DPY19L4: variants seen among roughly 807,000 people sequenced by gnomAD.
The protein encoded by DPY19L4 is probable C-mannosyltransferase DPY19L4.
DPY19L4 carries 97 observed loss-of-function variants against 102.8 expected under a neutral mutation model. The observed-to-expected ratio is 0.94, with a 90% CI of 0.80 to 1.12. DPY19L4 has a LOEUF of 1.12. Among genes scored for constraint, DPY19L4 ranks in the 50% most tolerant of loss-of-function variants. The pLI is 0.00. For missense variants in DPY19L4, 815 were observed against 850.4 expected, an observed-to-expected ratio of 0.96 and a Z score of 0.52; for synonymous variants, 252 against 283.1, an observed-to-expected ratio of 0.89 and a Z score of 1.10.
chr8:94,726,271 C>T (rs1810684791), intron 1 of DPY19L4, 60 bp from the exon 2 acceptor site: 1 of 1,387,976 alleles, frequency 7.2e-7, no homozygotes, highest in Non-Finnish European at 9.8e-7. Context: ...TTAATTGGCT[C>T]AGGATACAGA....
At position 94,792,918 on chromosome 8, in the gene DPY19L4, CCAGA is replaced by C. The variant is rs1406402634; in HGVS notation, c.*3011_*3014del. ...CTAAGTTAATTTAGCCTCCCAAATGCCAGACAAAGAATCTAACATAAAATTTACC... is the reference window on the plus strand; with the variant it reads ...CTAAGTTAATTTAGCCTCCCAAATGCCAAAGAATCTAACATAAAATTTACC... On this transcript the variant is annotated 3_prime_UTR_variant, in exon 19 of 19. Transcript: ENST00000414645. 6.6e-6 allele frequency: 1 copy of C among 152,014 alleles called. No homozygotes were observed. The highest frequency in any genetic ancestry group is 1.5e-5 in the Non-Finnish European group (1 of 67,988). The allele number at this position is 152,014 out of a possible 1,614,324, so 9.4% of individuals were successfully genotyped here.
intron 17 of DPY19L4, among the ~76,000 whole-genome samples, chr8:94,784,981 C>T (rs1160553441): frequency 3.3e-5 from 5 of 152,028 alleles, no homozygotes; most frequent in African/African-American, 1.2e-4. Flanking sequence ...AACATGAGTT[C>T]CCAATATTCT....
At chr8:94,748,489 ATAT>A (rs747691226) in intron 6 of DPY19L4, among the ~76,000 whole-genome samples, 43 of 152,186 alleles carry the variant, frequency 2.8e-4, no homozygotes, top group Non-Finnish European at 5.0e-4. Context: ...TTTTGGGATA[ATAT>A]TATATGAAAA....
chr8:94,730,522 G>T lies in DPY19L4; in HGVS notation c.127+4081G>T, dbSNP rs187499225. Among the ~76,000 whole-genome samples, 19 of 151,754 alleles carry T rather than the reference G, an allele frequency of 1.3e-4. No individual in the cohort carries two copies. The East Asian group carries it at 3.6e-3, about 28-fold the overall frequency. ...GCACTTTGGGAGGCTGAGGTGGGGG[G>T]ATCACCTGAGGTCGGGAGTTTGAGA... is the stretch of plus-strand genomic sequence containing the variant. On this transcript the variant is annotated intron_variant, in intron 2 of 18. Transcript: ENST00000414645.
chr8:94,775,494 AAAG>A (rs1813138128), intron 13 of DPY19L4, among the ~76,000 whole-genome samples: 2 of 152,174 alleles, frequency 1.3e-5, no homozygotes, highest in South Asian at 4.1e-4. Flanking sequence ...AAAACTAAAA[AAAG>A]AAATTCTTTT....
At chr8:94,777,921 C>A in intron 14 of DPY19L4, 135 bp downstream of exon 14, 2 of 1,126,622 alleles carry the variant, frequency 1.8e-6, no homozygotes, top group Non-Finnish European at 2.4e-6. Flanking sequence ...ACAGATCCTG[C>A]GCAAAACATT....
Position 94,768,419 on chromosome 8 carries a change from C to T in DPY19L4, c.1200C>T (p.Leu400=), listed in dbSNP as rs1812772777. 6.2e-7 allele frequency: 1 copy of T among 1,601,606 alleles called. No homozygotes were observed. The highest frequency in any genetic ancestry group is 8.5e-7 in the Non-Finnish European group (1 of 1,176,868). The change falls in exon 12 of 19, where the codon CTC becomes CTT. Residue 400 remains leucine, a synonymous_variant. Coordinates refer to ENST00000414645, the MANE Select transcript of DPY19L4 (RefSeq NM_181787.3). ...MTKNFTMNWL[L]CQESLQAPSQ... ...GGAATTTTACAATGAATTGGCTCCT[C>T]TGTCAAGAATCCCTGCAGGCACCAT...
At chr8:94,768,659 T>G (rs1812785806) in intron 12 of DPY19L4, 106 bp downstream of exon 12, 1 of 740,330 alleles carries the variant, frequency 1.4e-6, no homozygotes, top group Non-Finnish European at 1.9e-6. Context: ...TTTTAGAGCT[T>G]CTATTTCCAT....
At position 94,784,530 on chromosome 8, in the gene DPY19L4, G is replaced by A. The variant is rs558404779; in HGVS notation, c.1848+728G>A. Among the ~76,000 whole-genome samples the A allele has an allele frequency of 9.8e-4, 149 of 152,310 alleles. 2 individuals carry two copies. Among genetic ancestry groups the A allele is most frequent in the Non-Finnish European group, 1.9e-3 (131 of 68,034 alleles). On this transcript the variant is annotated intron_variant, in intron 17 of 18. Transcript: ENST00000414645. ...TGCAACCTCCACCTCCCGGGTTCAAGTGATTCTTCTGCCTCAGTCTCCCGA... is the reference window on the plus strand; with the variant it reads ...TGCAACCTCCACCTCCCGGGTTCAAATGATTCTTCTGCCTCAGTCTCCCGA...
intron 8 of DPY19L4, 94 bp from the exon 9 acceptor site, chr8:94,765,089 A>C (rs1812609191): frequency 1.1e-6 from 1 of 910,666 alleles, no homozygotes; most frequent in Non-Finnish European, 1.6e-6. Flanking sequence ...TAGAGCATTA[A>C]CTGTATAATT....
At chr8:94,780,030 G>A (rs1482530262) in intron 14 of DPY19L4, among the ~76,000 whole-genome samples, 1 of 151,930 alleles carries the variant, frequency 6.6e-6, no homozygotes, top group Admixed American at 6.6e-5. Context: ...ACTATCCTTT[G>A]TAAGATCTGT....
At chr8:94,772,858 A>G (rs926569159) in intron 13 of DPY19L4, among the ~76,000 whole-genome samples, 1 of 152,198 alleles carries the variant, frequency 6.6e-6, no homozygotes. Flanking sequence ...ATCTCTTTTT[A>G]GGCAAGGTTA....
chr8:94,752,787 C>A (rs1257506229), intron 6 of DPY19L4, among the ~76,000 whole-genome samples: 1 of 150,922 alleles, frequency 6.6e-6, no homozygotes, highest in Non-Finnish European at 1.5e-5. Flanking sequence ...GCCTCAGCCT[C>A]CGGAGTAGCT....
At chr8:94,788,646 C>T (rs552442993) in intron 18 of DPY19L4, among the ~76,000 whole-genome samples, 6 of 121,380 alleles carry the variant, frequency 4.9e-5, no homozygotes, top group East Asian at 2.1e-4. Flanking sequence ...GACGCACGCG[C>T]GCGCGCATGT....
In DPY19L4 at chr8:94,734,766, G is replaced by T; in HGVS notation, c.252+12G>T. 1 of 1,613,002 alleles carries T rather than the reference G, an allele frequency of 6.2e-7. No individual in the cohort carries two copies. The stretch of plus-strand genomic sequence containing the variant: ...TTTCCAACAGGCAGGTAAGAAGAAA[G>T]AATTTTGAGCATATGAAAGTTATTT... On this transcript the variant is annotated intron_variant, in intron 3 of 18. Transcript: ENST00000414645.
In DPY19L4 at chr8:94,791,712, T is replaced by G. The variant is rs1813892945; in HGVS notation, c.*1802T>G. Reference sequence around the variant, plus strand: ...CTAGTGTGAAATATTTAATCGAATTTTTGTTGATTTATATTATGTTACCTG... The same window carrying G: ...CTAGTGTGAAATATTTAATCGAATTGTTGTTGATTTATATTATGTTACCTG... On this transcript the variant is annotated 3_prime_UTR_variant, in exon 19 of 19. Coordinates refer to ENST00000414645, the MANE Select transcript of DPY19L4 (RefSeq NM_181787.3). The G allele has an allele frequency of 1.3e-5, 2 of 152,252 alleles. No homozygotes were observed. Among genetic ancestry groups the G allele is most frequent in the Middle Eastern group, 3.4e-3 (1 of 294 alleles). 9.4% of individuals were successfully genotyped at this position (152,252 alleles called of 1,614,324 possible).
Position 94,739,625 on chromosome 8 carries a change from T to G in DPY19L4, c.466-20T>G, listed in dbSNP as rs1563579766. 2 of 1,612,012 alleles carry G rather than the reference T, an allele frequency of 1.2e-6. No homozygotes were observed. Among genetic ancestry groups the G allele is most frequent in the African/African-American group, 1.3e-5 (1 of 74,818 alleles). On this transcript the variant is annotated intron_variant, in intron 5 of 18. Transcript: ENST00000414645. ...AATGCCATCCTATTGTCTTGTTCTC[T>G]TTCTGTTTTTTCCACATAGGAGATT...
In DPY19L4 at chr8:94,719,996, A is replaced by T. The variant is rs1429834294; in HGVS notation, c.-3A>T. The T allele has an allele frequency of 6.5e-7, 1 of 1,529,434 alleles. No homozygotes were observed. Among genetic ancestry groups the T allele is most frequent in the Admixed American group, 2.1e-5 (1 of 48,192 alleles). The allele number at this position is 1,529,434 out of a possible 1,614,324, so 94.7% of individuals were successfully genotyped here. A position where few individuals can be genotyped will look rare whatever the true frequency, so the allele number is the denominator to read the frequency against. ...GCAGGGCGCCCTAGCCTTCGCAGAA[A>T]CGATGGCGGAGGAAGAAGGTGATTG... On this transcript the variant is annotated 5_prime_UTR_variant, in exon 1 of 19. Transcript: ENST00000414645.
chr8:94,752,901 G>A (rs1219732809), intron 6 of DPY19L4, among the ~76,000 whole-genome samples: 4 of 151,354 alleles, frequency 2.6e-5, no homozygotes, highest in African/African-American at 9.7e-5. Context: ...TCCTGACCTC[G>A]TGATCCGCCC....
Sources: gnomAD v4.1 joint callset for allele counts (sites outside exome capture counted in the v4.1 genomes callset) on GRCh38, gnomAD v4.1.1 for gene constraint, MANE v1.5 for transcripts, NCBI Gene and HGNC (gene_info 2026-07-23, HGNC 2026-07-21) for gene names.